GABRB1: variants seen among roughly 807,000 people sequenced by gnomAD.
GABRB1 encodes gamma-aminobutyric acid type A receptor subunit beta1.
In GABRB1, 17 loss-of-function variants were observed where a neutral mutation model predicts 51.6. The observed-to-expected ratio is 0.33, with a 90% CI of 0.23 to 0.49. The LOEUF is 0.49. Among genes scored for constraint, GABRB1 ranks in the 20% least tolerant of loss-of-function variants. GABRB1 has a pLI of 0.99. For missense variants in GABRB1, 410 were observed against 600.6 expected (o/e 0.68, Z 3.32); for synonymous variants, 247 against 218.9 (o/e 1.13, Z -1.14).
At chr4:47,397,466 T>A (rs555707271) in intron 5 of GABRB1, among the ~76,000 whole-genome samples, 1 of 152,352 alleles carries the variant, frequency 6.6e-6, no homozygotes, top group African/African-American at 2.4e-5. Context: ...TTGTTACCCA[T>A]TGATCTTTCT....
At chr4:47,283,461 C>T (rs1242857609) in intron 4 of GABRB1, among the ~76,000 whole-genome samples, 1 of 142,154 alleles carries the variant, frequency 7.0e-6, no homozygotes, top group Non-Finnish European at 1.5e-5. Flanking sequence ...TCTCGGCTCA[C>T]TGCAAGCTCC....
chr4:47,086,103 G>C (rs916054027), intron 3 of GABRB1, among the ~76,000 whole-genome samples: 1 of 152,158 alleles, frequency 6.6e-6, no homozygotes, highest in African/African-American at 2.4e-5. Flanking sequence ...TTATCCTCAT[G>C]GGTTTAACAT....
At chr4:47,015,649 G>C (rs1176507804) in intron 1 of GABRB1, among the ~76,000 whole-genome samples, 1 of 152,060 alleles carries the variant, frequency 6.6e-6, no homozygotes, top group Non-Finnish European at 1.5e-5. Flanking sequence ...GCAATAATTG[G>C]AAAGTATTGC....
intron 3 of GABRB1, among the ~76,000 whole-genome samples, chr4:47,136,125 G>A (rs1199278966): frequency 6.6e-6 from 1 of 152,032 alleles, no homozygotes; most frequent in African/African-American, 2.4e-5. Context: ...AGAGTAGCTG[G>A]GACCACAGGC....
At chr4:47,161,624 T>G (rs1027620462) in intron 4 of GABRB1, among the ~76,000 whole-genome samples, 155 bp downstream of exon 4, 2 of 152,016 alleles carry the variant, frequency 1.3e-5, no homozygotes, top group Admixed American at 6.6e-5. Context: ...AACCCTCATG[T>G]AGTTAAGGGC....
chr4:47,305,274 C>T (rs1397660633), intron 4 of GABRB1, among the ~76,000 whole-genome samples: 1 of 152,008 alleles, frequency 6.6e-6, no homozygotes, highest in Non-Finnish European at 1.5e-5. Context: ...AATTGTCCAA[C>T]TGACAATGAT....
At chr4:47,271,574 T>C (rs1446276753) in intron 4 of GABRB1, among the ~76,000 whole-genome samples, 1 of 152,190 alleles carries the variant, frequency 6.6e-6, no homozygotes, top group Non-Finnish European at 1.5e-5. Context: ...GTATCACAAA[T>C]GCTATAAACC....
intron 3 of GABRB1, among the ~76,000 whole-genome samples, chr4:47,095,371 G>A (rs1006251197): frequency 6.6e-6 from 1 of 152,068 alleles, no homozygotes; most frequent in Non-Finnish European, 1.5e-5. Flanking sequence ...TGATACTGCA[G>A]TGCCAAGGAG....
At chr4:47,085,291 G>T (rs982277152) in intron 3 of GABRB1, among the ~76,000 whole-genome samples, 68 of 152,264 alleles carry the variant, frequency 4.5e-4, no homozygotes, top group African/African-American at 1.6e-3. Context: ...TATGACATCA[G>T]AAGTTTAGTA....
intron 8 of GABRB1, among the ~76,000 whole-genome samples, chr4:47,409,210 T>C (rs1728679458): frequency 6.6e-6 from 1 of 152,168 alleles, no homozygotes. Context: ...ACAGTGCTCC[T>C]TTAGCTCTGC....
rs11383226 is a variant in GABRB1 at position 47,112,753 on chromosome 4, T to TAA, written c.241-48485_241-48484dup. Among the ~76,000 whole-genome samples the TAA allele has an allele frequency of 4.6e-3, 679 of 147,846 alleles. 1 individual carries two copies. Among genetic ancestry groups the TAA allele is most frequent in the Non-Finnish European group, 7.1e-3 (475 of 66,862 alleles). On this transcript the variant is annotated intron_variant, in intron 3 of 8. Transcript: ENST00000295454. The stretch of plus-strand genomic sequence containing the variant: ...AAGCACTGTATTAAGCACAGTGAAA[T>TAA]AAAAAAAAAAAATCCTGCCTTGTGG...
At chr4:47,321,134 G>A (rs957333867) in intron 5 of GABRB1, among the ~76,000 whole-genome samples, 1 of 152,080 alleles carries the variant, frequency 6.6e-6, no homozygotes, top group Non-Finnish European at 1.5e-5. Context: ...GTTTTCAGAG[G>A]TGCAAAAAAA....
intron 3 of GABRB1, among the ~76,000 whole-genome samples, chr4:47,150,409 G>A (rs906538056): frequency 6.7e-6 from 1 of 149,436 alleles, no homozygotes; most frequent in East Asian, 2.0e-4. Flanking sequence ...GAAGAGATTC[G>A]TTGCAGAATT....
At chr4:47,341,626 G>A (rs1301650875) in intron 5 of GABRB1, among the ~76,000 whole-genome samples, 5 of 152,136 alleles carry the variant, frequency 3.3e-5, no homozygotes, top group South Asian at 2.1e-4. Flanking sequence ...ACTAGAATTA[G>A]CACTTGATAT....
intron 4 of GABRB1, among the ~76,000 whole-genome samples, chr4:47,280,497 T>C (rs1723247804): frequency 6.6e-6 from 1 of 150,594 alleles, no homozygotes; most frequent in South Asian, 2.1e-4. Context: ...TATATATATA[T>C]ATTCATGTTG....
At chr4:47,113,527 T>C (rs1472959365) in intron 3 of GABRB1, among the ~76,000 whole-genome samples, 1 of 151,974 alleles carries the variant, frequency 6.6e-6, no homozygotes. Flanking sequence ...AAAAAATAAG[T>C]CAATATAAAA....
intron 4 of GABRB1, among the ~76,000 whole-genome samples, chr4:47,251,721 C>T (rs1050386730): frequency 6.6e-6 from 1 of 152,086 alleles, no homozygotes; most frequent in Non-Finnish European, 1.5e-5. Context: ...TGTGTACCTA[C>T]GAGGATTATG....
At chr4:47,104,639 C>T (rs1294323356) in intron 3 of GABRB1, among the ~76,000 whole-genome samples, 6 of 151,130 alleles carry the variant, frequency 4.0e-5, no homozygotes, top group African/African-American at 1.5e-4. Context: ...TTTTCTATTT[C>T]CTTTTCAGTT....
chr4:47,302,432 T>A (rs977031874), intron 4 of GABRB1, among the ~76,000 whole-genome samples: 1 of 152,000 alleles, frequency 6.6e-6, no homozygotes, highest in African/African-American at 2.4e-5. Flanking sequence ...TCTGAATATA[T>A]CATTTACTGT....
Sources: allele counts gnomAD v4.1 joint callset (sites outside exome capture counted in the v4.1 genomes callset), GRCh38; gene constraint gnomAD v4.1.1; transcripts MANE v1.5; gene names NCBI Gene and HGNC (gene_info 2026-07-23, HGNC 2026-07-21).